The following CNTNAP2 variants were observed in gnomAD, a reference collection of about 807,000 sequenced individuals.
CNTNAP2 encodes the protein contactin associated protein 2.
CNTNAP2 carries 98 observed loss-of-function variants against 155.2 expected under a neutral mutation model. That is an observed-to-expected ratio of 0.63 (90% CI 0.54 to 0.75). The LOEUF is 0.75. Ranked by LOEUF, CNTNAP2 falls within the 30% of genes least tolerant of loss-of-function variation. The pLI is 0.00. For synonymous variants in CNTNAP2, 651 were observed against 631.2 expected, an observed-to-expected ratio of 1.03 and a Z score of -0.47; for missense variants, 1,727 against 1,688.1, an observed-to-expected ratio of 1.02 and a Z score of -0.40.
rs539209298 is a variant in CNTNAP2, at chr7:147,555,107, A to G, written c.1778-7031A>G. ...ACACATTCCTGCAACCAAATTCACTAGAGTCTGTTGAGATAAAAAAGTCAG... is the reference window on the plus strand; with the variant it reads ...ACACATTCCTGCAACCAAATTCACTGGAGTCTGTTGAGATAAAAAAGTCAG... On this transcript the variant is annotated intron_variant, in intron 11 of 23. Coordinates refer to ENST00000361727, the MANE Select transcript of CNTNAP2 (RefSeq NM_014141.6). Among the ~76,000 whole-genome samples, 5 of 152,290 alleles carry G rather than the reference A, an allele frequency of 3.3e-5. No homozygotes were observed. The East Asian group carries it at 7.7e-4, about 24-fold the overall frequency.
chr7:146,847,005 A>T (rs1280668892), intron 3 of CNTNAP2, among the ~76,000 whole-genome samples: 1 of 151,798 alleles, frequency 6.6e-6, no homozygotes, highest in Non-Finnish European at 1.5e-5. Flanking sequence ...CTCAATGCTA[A>T]TTTTTTTTAC....
rs534414668 is a variant in CNTNAP2 at position 148,150,656 on chromosome 7, G to A, written c.2773+2947G>A. ...TTAGAATTTAGGGACTTAGGTGTTA[G>A]TCTCAGTTCACCTCTAATATAAAAG... is the stretch of plus-strand genomic sequence containing the variant. On this transcript the variant is annotated intron_variant, in intron 17 of 23. Coordinates refer to ENST00000361727, the MANE Select transcript of CNTNAP2 (RefSeq NM_014141.6). Among the ~76,000 whole-genome samples the A allele has an allele frequency of 2.7e-3, 405 of 152,274 alleles. 1 individual carries two copies. Among genetic ancestry groups the A allele is most frequent in the Non-Finnish European group, 4.4e-3 (301 of 68,030 alleles).
intron 13 of CNTNAP2, among the ~76,000 whole-genome samples, chr7:147,641,997 GGT>G (rs1216608708): frequency 2.1e-5 from 3 of 140,346 alleles, no homozygotes; most frequent in African/African-American, 5.3e-5. Flanking sequence ...ACTTATCATA[GGT>G]GTGTGTGTGT....
At chr7:146,639,732 T>C (rs1799673441) in intron 1 of CNTNAP2, among the ~76,000 whole-genome samples, 2 of 152,204 alleles carry the variant, frequency 1.3e-5, no homozygotes, top group South Asian at 4.1e-4. Flanking sequence ...GGTCAACACT[T>C]ACAGGTATTA....
intron 4 of CNTNAP2, among the ~76,000 whole-genome samples, chr7:147,054,536 A>G (rs756846389): frequency 4.5e-4 from 69 of 152,260 alleles, no homozygotes; most frequent in Non-Finnish European, 6.8e-4. Context: ...CATTTCACTT[A>G]TAATCCGTTT....
At chr7:147,255,246 C>G (rs1271281739) in intron 8 of CNTNAP2, among the ~76,000 whole-genome samples, 1 of 152,154 alleles carries the variant, frequency 6.6e-6, no homozygotes, top group Non-Finnish European at 1.5e-5. Flanking sequence ...CAAACACACA[C>G]AGTCTTGCTC....
chr7:148,084,041 A>G (rs991561463), intron 15 of CNTNAP2, among the ~76,000 whole-genome samples: 5 of 152,234 alleles, frequency 3.3e-5, no homozygotes, highest in African/African-American at 1.2e-4. Context: ...TTCTGATTTT[A>G]AGATCCCCTG....
chr7:146,931,867 C>A (rs1563007961), intron 3 of CNTNAP2, among the ~76,000 whole-genome samples: 1 of 152,178 alleles, frequency 6.6e-6, no homozygotes, highest in Admixed American at 6.5e-5. Flanking sequence ...GACACATACA[C>A]CCTCCCAAGA....
chr7:147,533,358 C>G (rs1799476901), intron 11 of CNTNAP2, among the ~76,000 whole-genome samples: 1 of 152,004 alleles, frequency 6.6e-6, no homozygotes, highest in South Asian at 2.1e-4. Flanking sequence ...TTTTCTAAAC[C>G]TCATAAATAT....
chr7:147,859,390 G>A lies in CNTNAP2; in HGVS notation c.2099-44175G>A, dbSNP rs1799099726. On this transcript the variant is annotated intron_variant, in intron 13 of 23. Coordinates refer to ENST00000361727, the MANE Select transcript of CNTNAP2 (RefSeq NM_014141.6). ...ACTCTGTAAAGCAGGTAGTTTAATAGCAAATTAATGATGTGCTGACAAGAT... is the reference window on the plus strand; with the variant it reads ...ACTCTGTAAAGCAGGTAGTTTAATAACAAATTAATGATGTGCTGACAAGAT... 2.1e-5 allele frequency among the ~76,000 whole-genome samples: 3 copies of A among 142,346 alleles called. No individual in the cohort carries two copies. The South Asian group carries it at 6.8e-4, about 32-fold the overall frequency. The allele number at this position is 142,346 out of a possible 152,430, so 93.4% of individuals were successfully genotyped here.
intron 1 of CNTNAP2, among the ~76,000 whole-genome samples, chr7:146,521,254 C>G (rs543229310): frequency 1.3e-4 from 20 of 152,048 alleles, no homozygotes; most frequent in African/African-American, 4.8e-4. Flanking sequence ...TAAGAGCAGA[C>G]ACACACAATA....
chr7:147,138,260 A>G (rs2129286632), intron 8 of CNTNAP2, among the ~76,000 whole-genome samples: 1 of 152,080 alleles, frequency 6.6e-6, no homozygotes, highest in East Asian at 1.9e-4. Flanking sequence ...TTAGGAGCCT[A>G]GAACTGAGCT....
intron 1 of CNTNAP2, among the ~76,000 whole-genome samples, chr7:146,557,957 T>A (rs1295473285): frequency 6.6e-6 from 1 of 152,214 alleles, no homozygotes; most frequent in Non-Finnish European, 1.5e-5. Flanking sequence ...TTTCAAACAC[T>A]TATTAGCAAT....
intron 3 of CNTNAP2, among the ~76,000 whole-genome samples, chr7:146,896,450 C>A (rs1585144084): frequency 6.6e-6 from 1 of 152,126 alleles, no homozygotes; most frequent in East Asian, 1.9e-4. Context: ...TGAATATCTA[C>A]CTCTACATTT....
intron 18 of CNTNAP2, among the ~76,000 whole-genome samples, chr7:148,192,772 C>T (rs1227597959): frequency 6.6e-6 from 1 of 152,204 alleles, no homozygotes; most frequent in East Asian, 1.9e-4. Context: ...CTTAACTTCA[C>T]TCAAAGTTCA....
intron 21 of CNTNAP2, among the ~76,000 whole-genome samples, chr7:148,337,496 G>A (rs1798141261): frequency 6.6e-6 from 1 of 152,168 alleles, no homozygotes; most frequent in African/African-American, 2.4e-5. Context: ...ACGAGGTTTG[G>A]GAACCACTGC....
chr7:147,121,200 A>T, intron 6 of CNTNAP2, 37 bp downstream of exon 6: 1 of 1,595,710 alleles, frequency 6.3e-7, no homozygotes, highest in South Asian at 1.1e-5. Flanking sequence ...ATAAAATGTC[A>T]AGCAATTGTG....
intron 22 of CNTNAP2, among the ~76,000 whole-genome samples, chr7:148,393,899 A>G (rs568001017): frequency 1.3e-5 from 2 of 151,916 alleles, no homozygotes; most frequent in East Asian, 3.9e-4. Flanking sequence ...CTTTGCTCCA[A>G]TAATTATTTA....
intron 1 of CNTNAP2, among the ~76,000 whole-genome samples, chr7:146,603,305 G>C (rs552433168): frequency 6.6e-6 from 1 of 150,596 alleles, no homozygotes; most frequent in South Asian, 2.1e-4. Context: ...CCAGCTACTC[G>C]AAAGGCTGAG....
Sources: gnomAD v4.1 joint callset for allele counts (sites outside exome capture counted in the v4.1 genomes callset) on GRCh38, gnomAD v4.1.1 for gene constraint, MANE v1.5 for transcripts, NCBI Gene and HGNC (gene_info 2026-07-23, HGNC 2026-07-21) for gene names.